The following DOK6 variants were observed in gnomAD, a reference collection of about 807,000 sequenced individuals.
The protein encoded by DOK6 is docking protein 6.
In DOK6, 22 loss-of-function variants were observed where a neutral mutation model predicts 44.0. That is an observed-to-expected ratio of 0.50 (90% CI 0.36 to 0.71). The LOEUF (loss-of-function observed/expected upper bound fraction) is 0.71, where lower values mean the gene tolerates loss of function less well. Ranked by LOEUF, DOK6 falls within the 30% of genes least tolerant of loss-of-function variation. DOK6 has a pLI of 0.00. For missense variants in DOK6, 340 were observed against 416.4 expected, an observed-to-expected ratio of 0.82 and a Z score of 1.60; for synonymous variants, 166 against 145.5, an observed-to-expected ratio of 1.14 and a Z score of -1.01.
intron 1 of DOK6, among the ~76,000 whole-genome samples, chr18:69,523,750 A>G (rs565167919): frequency 6.6e-6 from 1 of 151,890 alleles, no homozygotes; most frequent in Non-Finnish European, 1.5e-5. Flanking sequence ...GGTCTAGCTC[A>G]AGTAGCAGTG....
At chr18:69,434,953 AG>A (rs1207980465) in intron 1 of DOK6, among the ~76,000 whole-genome samples, 12,339 of 123,920 alleles carry the variant, frequency 0.1, 1,296 homozygotes, top group South Asian at 0.19. Flanking sequence ...GGAGGGAGGG[AG>A]GGAAGGAAGG....
intron 5 of DOK6, among the ~76,000 whole-genome samples, chr18:69,718,329 A>AC (rs1460712045): frequency 2.0e-5 from 3 of 152,002 alleles, no homozygotes; most frequent in Non-Finnish European, 4.4e-5. Flanking sequence ...TAAGTCCCCA[A>AC]CCCCCCAAAA....
At chr18:69,694,430 A>G (rs1415002227) in intron 4 of DOK6, among the ~76,000 whole-genome samples, 1 of 150,674 alleles carries the variant, frequency 6.6e-6, no homozygotes, top group African/African-American at 2.4e-5. Flanking sequence ...TGCAATATTT[A>G]TATTATAATA....
intron 3 of DOK6, among the ~76,000 whole-genome samples, chr18:69,631,619 T>A (rs1035714932): frequency 6.6e-6 from 1 of 152,204 alleles, no homozygotes; most frequent in Non-Finnish European, 1.5e-5. Flanking sequence ...GCCAAAGGAA[T>A]GATCAGTATG....
intron 7 of DOK6, among the ~76,000 whole-genome samples, chr18:69,819,412 T>A (rs1420002142): frequency 6.6e-6 from 1 of 152,198 alleles, no homozygotes; most frequent in Admixed American, 6.6e-5. Context: ...TATGTGAATA[T>A]CTCTCCTGGG....
At chr18:69,426,186 T>C (rs1978630424) in intron 1 of DOK6, among the ~76,000 whole-genome samples, 1 of 152,152 alleles carries the variant, frequency 6.6e-6, no homozygotes, top group Non-Finnish European at 1.5e-5. Flanking sequence ...GTAGGTAATA[T>C]ATGGGCTTCC....
At chr18:69,736,261 T>C (rs1188953390) in intron 5 of DOK6, among the ~76,000 whole-genome samples, 1 of 152,170 alleles carries the variant, frequency 6.6e-6, no homozygotes, top group African/African-American at 2.4e-5. Context: ...TTGAAATCGG[T>C]GCCCTAGTCT....
At position 69,816,608 on chromosome 18, in the gene DOK6, T is replaced by A. The variant is rs145119765; in HGVS notation, c.857-24636T>A. ...GTAAATAAATACTATACTTTTTACT[T>A]AGCCTAAGCCATGAAGTAGGTATTA... On this transcript the variant is annotated intron_variant, in intron 7 of 7. Transcript: ENST00000382713. Among the ~76,000 whole-genome samples, 199 of 152,338 alleles carry A rather than the reference T, an allele frequency of 1.3e-3. 1 individual carries two copies. The highest frequency in any genetic ancestry group is 4.6e-3 in the African/African-American group (192 of 41,582).
At chr18:69,527,415 G>T (rs1981861088) in intron 1 of DOK6, among the ~76,000 whole-genome samples, 2 of 152,150 alleles carry the variant, frequency 1.3e-5, no homozygotes, top group African/African-American at 4.8e-5. Context: ...GCAGGAGAGG[G>T]AAGTGCCAAG....
At chr18:69,618,860 A>G (rs1029542114) in intron 3 of DOK6, among the ~76,000 whole-genome samples, 1 of 152,214 alleles carries the variant, frequency 6.6e-6, no homozygotes, top group Non-Finnish European at 1.5e-5. Context: ...CAAGTGGTCC[A>G]AATGAAAATT....
intron 1 of DOK6, among the ~76,000 whole-genome samples, chr18:69,450,977 C>G: frequency 6.8e-6 from 1 of 147,130 alleles, no homozygotes; most frequent in African/African-American, 2.5e-5. Context: ...TAAAGACCAT[C>G]GAGACTAGGA....
chr18:69,714,018 A>AC (rs1986827711), intron 5 of DOK6, among the ~76,000 whole-genome samples: 1 of 152,166 alleles, frequency 6.6e-6, no homozygotes, highest in Non-Finnish European at 1.5e-5. Flanking sequence ...CTCGAGTACC[A>AC]CTAAAGGGAC....
At chr18:69,644,592 C>A (rs1184911110) in intron 3 of DOK6, among the ~76,000 whole-genome samples, 2 of 152,144 alleles carry the variant, frequency 1.3e-5, no homozygotes, top group African/African-American at 2.4e-5. Context: ...TCTGGGTTCT[C>A]TATTCTAATC....
At position 69,811,524 on chromosome 18, in the gene DOK6, TTATATATATATATATATATATATA is replaced by T. The variant is rs57486782; in HGVS notation, c.857-29690_857-29667del. ...TAATTAGCTTGATTTAACCATTCCATTATATATATATATATATATATATATATATATATATATATATATATATAT... is the reference window on the plus strand; with the variant it reads ...TAATTAGCTTGATTTAACCATTCCATTATATATATATATATATATATATAT... On this transcript the variant is annotated intron_variant, in intron 7 of 7. Coordinates refer to ENST00000382713, the MANE Select transcript of DOK6 (RefSeq NM_152721.6). 7.7e-4 allele frequency among the ~76,000 whole-genome samples: 72 copies of T among 93,760 alleles called. 1 individual carries two copies. Among genetic ancestry groups the T allele is most frequent in the South Asian group, 7.6e-4 (2 of 2,616 alleles). The allele number at this position is 93,760 out of a possible 152,430, so 61.5% of individuals were successfully genotyped here.
intron 1 of DOK6, among the ~76,000 whole-genome samples, chr18:69,448,939 T>A (rs1330071632): frequency 6.6e-5 from 10 of 152,214 alleles, no homozygotes; most frequent in Non-Finnish European, 1.2e-4. Flanking sequence ...GCATGTTATA[T>A]AGAGAGTCGC....
At chr18:69,614,647 G>T (rs118005885) in intron 3 of DOK6, among the ~76,000 whole-genome samples, 1 of 151,592 alleles carries the variant, frequency 6.6e-6, no homozygotes, top group Non-Finnish European at 1.5e-5. Context: ...TCAATATGTG[G>T]CGTAGAAACT....
chr18:69,627,707 C>T (rs1172440343), intron 3 of DOK6, among the ~76,000 whole-genome samples: 3 of 152,130 alleles, frequency 2.0e-5, no homozygotes, highest in Non-Finnish European at 4.4e-5. Flanking sequence ...CCTCGGCCTC[C>T]CAAAGTGCTG....
At chr18:69,596,077 A>G (rs1205269020) in intron 2 of DOK6, among the ~76,000 whole-genome samples, 1 of 152,202 alleles carries the variant, frequency 6.6e-6, no homozygotes, top group African/African-American at 2.4e-5. Flanking sequence ...TGATAGGTAT[A>G]TGAGAGATAT....
intron 3 of DOK6, among the ~76,000 whole-genome samples, chr18:69,652,851 A>G (rs772457189): frequency 6.6e-6 from 1 of 152,196 alleles, no homozygotes; most frequent in Admixed American, 6.5e-5. Context: ...TGAAAAAAGC[A>G]TAGAGATGAT....
Sources: allele counts gnomAD v4.1 joint callset (sites outside exome capture counted in the v4.1 genomes callset), GRCh38; gene constraint gnomAD v4.1.1; transcripts MANE v1.5; gene names NCBI Gene and HGNC (gene_info 2026-07-23, HGNC 2026-07-21).